Variants in CCNY observed in about 807,000 individuals in gnomAD.
CCNY encodes cyclin Y.
A neutral mutation model predicts 42.8 loss-of-function variants in CCNY; 19 were observed. That is an observed-to-expected ratio of 0.44 (90% CI 0.31 to 0.65). The LOEUF is 0.65. Ranked by LOEUF, CCNY falls within the 30% of genes least tolerant of loss-of-function variation. The probability of loss-of-function intolerance (pLI) is 0.07; values close to 1 mark genes in which losing one functional copy is unlikely to be tolerated. For synonymous variants in CCNY, 165 were observed against 162.7 expected (o/e 1.01, Z -0.11); for missense variants, 370 against 437.3 (o/e 0.85, Z 1.37).
rs372590514 is a variant in CCNY at position 35,482,251 on chromosome 10, G to GGATA, written c.155-1151_155-1148dup. On this transcript the variant is annotated intron_variant, in intron 1 of 9. Coordinates refer to ENST00000374704, the MANE Select transcript of CCNY (RefSeq NM_145012.6). Reference sequence around the variant, plus strand: ...ATCTTTGATTGATTATTAACACTAAGGATAGCCCCTTCTGTTTTTCTTAGT... The same window carrying GGATA: ...ATCTTTGATTGATTATTAACACTAAGGATAGATAGCCCCTTCTGTTTTTCTTAGT... Among the ~76,000 whole-genome samples, 547 of 152,200 alleles carry GGATA rather than the reference G, an allele frequency of 3.6e-3. 5 individuals carry two copies. The highest frequency in any genetic ancestry group is 0.012 in the African/African-American group (519 of 41,526).
intron 1 of CCNY, among the ~76,000 whole-genome samples, chr10:35,369,595 C>T (rs903567755): frequency 2.0e-5 from 3 of 152,052 alleles, no homozygotes; most frequent in African/African-American, 7.2e-5. Flanking sequence ...GAGGCTCTTC[C>T]CTATTTAAGT....
At chr10:35,263,383 AAT>A (rs1489369856) in intron 3 of CCNY, among the ~76,000 whole-genome samples, 314 of 146,452 alleles carry the variant, frequency 2.1e-3, no homozygotes, top group Non-Finnish European at 3.9e-3. Context: ...AAAAAAAAAA[AAT>A]TAAAAATTAG....
At chr10:35,380,649 A>G (rs1837162824) in intron 1 of CCNY, among the ~76,000 whole-genome samples, 1 of 152,194 alleles carries the variant, frequency 6.6e-6, no homozygotes, top group Non-Finnish European at 1.5e-5. Flanking sequence ...ACCTCCCAAT[A>G]GCCTTTTGGG....
intron 1 of CCNY, among the ~76,000 whole-genome samples, chr10:35,462,530 CT>C: frequency 6.6e-6 from 1 of 152,342 alleles, no homozygotes; most frequent in African/African-American, 2.4e-5. Flanking sequence ...AACCAAGAGC[CT>C]TACTCTGAAC....
chr10:35,395,838 C>T (rs1837513010), intron 1 of CCNY, among the ~76,000 whole-genome samples: 1 of 152,194 alleles, frequency 6.6e-6, no homozygotes. Context: ...GGGTGCATCT[C>T]TGAGGCTGGG....
intron 3 of CCNY, among the ~76,000 whole-genome samples, chr10:35,283,123 T>C (rs1264171935): frequency 1.3e-5 from 2 of 152,196 alleles, no homozygotes; most frequent in African/African-American, 4.8e-5. Context: ...TTTTGATTCA[T>C]GTATTTTTAG....
intron 1 of CCNY, among the ~76,000 whole-genome samples, chr10:35,357,604 G>C (rs1396460758): frequency 6.6e-6 from 1 of 152,200 alleles, no homozygotes; most frequent in African/African-American, 2.4e-5. Context: ...CAGAAGGCAC[G>C]TGTCTGTTTA....
At chr10:35,405,652 T>C (rs1224759932) in intron 1 of CCNY, among the ~76,000 whole-genome samples, 4 of 152,066 alleles carry the variant, frequency 2.6e-5, no homozygotes, top group African/African-American at 9.7e-5. Flanking sequence ...AATAAGGTAA[T>C]GTGGAGTGAG....
chr10:35,526,593 AG>A (rs764173247), intron 5 of CCNY, among the ~76,000 whole-genome samples: 1 of 152,206 alleles, frequency 6.6e-6, no homozygotes, highest in Non-Finnish European at 1.5e-5. Flanking sequence ...ATTTGCTTCA[AG>A]CACAGGACAT....
chr10:35,326,543 C>T (rs190115463), intron 3 of CCNY, among the ~76,000 whole-genome samples: 41 of 152,280 alleles, frequency 2.7e-4, no homozygotes, highest in African/African-American at 9.6e-4. Flanking sequence ...GCCTTTTAGT[C>T]TAAGAGCTAG....
intron 3 of CCNY, among the ~76,000 whole-genome samples, chr10:35,275,801 C>G (rs1835232667): frequency 6.6e-6 from 1 of 152,172 alleles, no homozygotes; most frequent in African/African-American, 2.4e-5. Flanking sequence ...ATTGTACATC[C>G]ATGACCAGAG....
chr10:35,477,788 G>C (rs1839551334), intron 1 of CCNY, among the ~76,000 whole-genome samples: 1 of 152,194 alleles, frequency 6.6e-6, no homozygotes, highest in Non-Finnish European at 1.5e-5. Context: ...TTCTGGCCAG[G>C]TCAGTTAGGC....
intron 1 of CCNY, among the ~76,000 whole-genome samples, chr10:35,411,996 A>C (rs1837917026): frequency 6.6e-6 from 1 of 152,110 alleles, no homozygotes; most frequent in Non-Finnish European, 1.5e-5. Context: ...GCTTGGTTCC[A>C]AGTGTCTTCC....
chr10:35,484,353 G>A (rs1395387935), intron 2 of CCNY, among the ~76,000 whole-genome samples: 1 of 152,168 alleles, frequency 6.6e-6, no homozygotes, highest in Admixed American at 6.5e-5. Context: ...CTTCAGTAAC[G>A]ATTAGGTAAC....
intron 1 of CCNY, among the ~76,000 whole-genome samples, chr10:35,446,633 C>A (rs932723511): frequency 6.6e-6 from 1 of 152,134 alleles, no homozygotes; most frequent in Non-Finnish European, 1.5e-5. Flanking sequence ...GAGCAGCTTC[C>A]CTTTGCCAGG....
At chr10:35,417,362 G>A (rs1343188727) in intron 1 of CCNY, among the ~76,000 whole-genome samples, 1 of 152,200 alleles carries the variant, frequency 6.6e-6, no homozygotes, top group Non-Finnish European at 1.5e-5. Flanking sequence ...CTGAGTCTCA[G>A]CTCTTGATTC....
chr10:35,279,224 T>C (rs528368991), intron 3 of CCNY, among the ~76,000 whole-genome samples: 1 of 151,860 alleles, frequency 6.6e-6, no homozygotes, highest in East Asian at 1.9e-4. Flanking sequence ...CAAGTGATTC[T>C]TCTGCCTCAG....
intron 1 of CCNY, among the ~76,000 whole-genome samples, chr10:35,397,639 C>G (rs2135222653): frequency 6.6e-6 from 1 of 152,282 alleles, no homozygotes; most frequent in Admixed American, 6.5e-5. Flanking sequence ...CAAATGAACC[C>G]TGTCCCTGGG....
chr10:35,253,249 T>C (rs2095713169), intron 3 of CCNY, among the ~76,000 whole-genome samples: 1 of 152,026 alleles, frequency 6.6e-6, no homozygotes, highest in Non-Finnish European at 1.5e-5. Flanking sequence ...GCCTTTGTCT[T>C]CTCCACGTAA....
Sources: allele counts gnomAD v4.1 joint callset (sites outside exome capture counted in the v4.1 genomes callset), GRCh38; gene constraint gnomAD v4.1.1; transcripts MANE v1.5; gene names NCBI Gene and HGNC (gene_info 2026-07-23, HGNC 2026-07-21).